Variants in SAFB2 observed in about 807,000 individuals in gnomAD.
SAFB2 encodes scaffold attachment factor B2.
SAFB2 carries 32 observed loss-of-function variants against 100.6 expected under a neutral mutation model. The ratio of observed to expected loss-of-function variants is 0.32; its 90% CI spans 0.24 to 0.43. The LOEUF (loss-of-function observed/expected upper bound fraction) is 0.43. Among genes scored for constraint, SAFB2 ranks in the 20% least tolerant of loss-of-function variants. SAFB2 has a pLI of 1.00. For missense variants in SAFB2, 1,185 were observed against 1,163.4 expected (o/e 1.02, Z -0.27); for synonymous variants, 500 against 439.4 (o/e 1.14, Z -1.72).
At chr19:5,618,008 G>A (rs2053068040) in intron 2 of SAFB2, among the ~76,000 whole-genome samples, 1 of 152,106 alleles carries the variant, frequency 6.6e-6, no homozygotes, top group Admixed American at 6.6e-5. Context: ...GCCAGGCATG[G>A]TGTTATGTAC....
chr19:5,621,482 A>G, intron 1 of SAFB2, 86 bp from the exon 2 acceptor site: 1 of 904,728 alleles, frequency 1.1e-6, no homozygotes, highest in Non-Finnish European at 1.8e-6. Context: ...CCCATGAAAC[A>G]AAGGCAAACC....
intron 17 of SAFB2, 113 bp from the exon 18 acceptor site, chr19:5,590,521 A>C: frequency 8.2e-7 from 1 of 1,214,448 alleles, no homozygotes. Flanking sequence ...CGGAGCTGAG[A>C]GAGGACTGAA....
At position 5,590,375 on chromosome 19, in the gene SAFB2, G is replaced by A. The variant is rs201737192; in HGVS notation, c.2428C>T (p.Pro810Ser). ...YGDDRHGHGG[P>S]PERHGRDSRD... ...GAGTCCCGGCCGTGGCGCTCTGGGG[G>A]TCCTCCGTGGCCATGGCGGTCATCT... Residue 810 changes from proline to serine, a missense_variant, in exon 18 of 21, where the codon CCC (proline) becomes TCC (serine). Pro to Ser is a moderately conservative substitution (Grantham distance 74). This residue lies in a region of SAFB2 where 740 missense variants were observed against 687.1 expected (regional missense o/e 1.08). Coordinates refer to ENST00000252542, the MANE Select transcript of SAFB2 (RefSeq NM_014649.3). 6.2e-6 allele frequency: 10 copies of A among 1,611,708 alleles called. No homozygotes were observed. The highest frequency in any genetic ancestry group is 2.2e-5 in the East Asian group (1 of 44,722).
chr19:5,615,337 T>C (rs2053002386), intron 4 of SAFB2, among the ~76,000 whole-genome samples: 1 of 150,286 alleles, frequency 6.7e-6, no homozygotes, highest in Non-Finnish European at 1.5e-5. Context: ...CCTGGGTGAC[T>C]GAGAGAGACT....
intron 15 of SAFB2, 80 bp from the exon 16 acceptor site, chr19:5,592,967 A>T: frequency 7.2e-7 from 1 of 1,390,120 alleles, no homozygotes; most frequent in East Asian, 2.4e-5. Flanking sequence ...GGAGGTGGGG[A>T]GGGGAGCTCT....
At chr19:5,601,707 T>C (rs1186726178) in intron 11 of SAFB2, among the ~76,000 whole-genome samples, 1 of 124,526 alleles carries the variant, frequency 8.0e-6, no homozygotes, top group East Asian at 2.6e-4. Flanking sequence ...AGAGACTCCA[T>C]CTCAAAATAA....
At chr19:5,608,378 A>C (rs1171991190) in intron 9 of SAFB2, among the ~76,000 whole-genome samples, 1 of 152,218 alleles carries the variant, frequency 6.6e-6, no homozygotes, top group Non-Finnish European at 1.5e-5. Flanking sequence ...CTGTGATGAC[A>C]GTGACCACGT....
chr19:5,611,997 CAAATTTCTTT>C, intron 6 of SAFB2: 1 of 393,060 alleles, frequency 2.5e-6, no homozygotes, highest in South Asian at 2.3e-5. Flanking sequence ...GCTCAACTTC[CAAATTTCTTT>C]GAATTTCTTT....
At position 5,610,635 on chromosome 19, in the gene SAFB2, A is replaced by G. The variant is rs768105852; in HGVS notation, c.1195+4T>C. 6.4e-7 allele frequency: 1 copy of G among 1,566,236 alleles called. No homozygotes were observed. Among genetic ancestry groups the G allele is most frequent in the South Asian group, 1.1e-5 (1 of 87,520 alleles). On this transcript the variant is annotated splice_donor_region_variant and intron_variant, in intron 8 of 20. Coordinates refer to ENST00000252542, the MANE Select transcript of SAFB2 (RefSeq NM_014649.3). The stretch of plus-strand genomic sequence containing the variant: ...GCTCCCTACCACGTTAAATTAAATC[A>G]TACCTTTTTCATCTTTAATGATTGG...
intron 13 of SAFB2, chr19:5,598,359 T>C (rs778045699): frequency 6.7e-5 from 12 of 178,800 alleles, no homozygotes; most frequent in Admixed American, 1.6e-4. Context: ...GCTCTTGATC[T>C]GATAACATGA....
intron 13 of SAFB2, among the ~76,000 whole-genome samples, chr19:5,597,964 T>C (rs974538757): frequency 1.2e-4 from 18 of 151,964 alleles, no homozygotes; most frequent in Non-Finnish European, 1.8e-4. Flanking sequence ...ATCCCGTCTC[T>C]ACTAAAAGTA....
At chr19:5,604,373 C>G (rs572729635) in intron 11 of SAFB2, among the ~76,000 whole-genome samples, 2 of 152,318 alleles carry the variant, frequency 1.3e-5, no homozygotes, top group South Asian at 4.1e-4. Context: ...GCCTAGGCAA[C>G]AGAGTGAGTC....
chr19:5,613,574 A>C, intron 4 of SAFB2, 47 bp from the exon 5 acceptor site: 1 of 1,597,494 alleles, frequency 6.3e-7, no homozygotes, highest in Non-Finnish European at 8.5e-7. Context: ...GGAGCTATGA[A>C]AACCAAGGCT....
intron 6 of SAFB2, chr19:5,611,947 T>C (rs974495023): frequency 2.3e-5 from 11 of 479,368 alleles, no homozygotes; most frequent in Middle Eastern, 1.2e-3. Flanking sequence ...TTTTCCAATG[T>C]CCAAGGTGCT....
chr19:5,591,577 T>C, intron 17 of SAFB2, 171 bp downstream of exon 17: 2 of 607,840 alleles, frequency 3.3e-6, no homozygotes, highest in Non-Finnish European at 5.8e-6. Flanking sequence ...CACGTCCGAC[T>C]AAATATTTGT....
intron 12 of SAFB2, 108 bp downstream of exon 12, chr19:5,600,022 G>GA: frequency 8.5e-7 from 1 of 1,180,964 alleles, no homozygotes; most frequent in Admixed American, 2.3e-5. Flanking sequence ...TATGAACAGC[G>GA]AAACAGCCAT....
At chr19:5,600,527 C>A (rs896210818) in intron 11 of SAFB2, among the ~76,000 whole-genome samples, 1 of 152,184 alleles carries the variant, frequency 6.6e-6, no homozygotes, top group African/African-American at 2.4e-5. Context: ...GTCAGACAGG[C>A]TAGCACGCAA....
chr19:5,610,453 G>A (rs1396204470), intron 8 of SAFB2, 186 bp downstream of exon 8: 19 of 621,596 alleles, frequency 3.1e-5, no homozygotes, highest in Non-Finnish European at 4.9e-5. Flanking sequence ...ACAACCACAA[G>A]AGAAACATAA....
In SAFB2 at chr19:5,602,561, T is replaced by C. The variant is rs577871353; in HGVS notation, c.1559+2022A>G. On this transcript the variant is annotated intron_variant, in intron 11 of 20. Coordinates refer to ENST00000252542, the MANE Select transcript of SAFB2 (RefSeq NM_014649.3). ...TGGGGCTCCGAGCAAACTTCATAGG[T>C]TGAATCCCAGCCTTGCCGTTTCCCA... Among the ~76,000 whole-genome samples the C allele has an allele frequency of 5.3e-5, 8 of 150,648 alleles. No individual in the cohort carries two copies. In the East Asian group the frequency reaches 1.6e-3, roughly 30 times the overall value.
Sources: allele counts gnomAD v4.1 joint callset (sites outside exome capture counted in the v4.1 genomes callset), GRCh38; gene constraint gnomAD v4.1.1; regional missense constraint gnomAD v4.1.1; transcripts MANE v1.5; gene names NCBI Gene and HGNC (gene_info 2026-07-23, HGNC 2026-07-21).